Variants in DEPTOR observed in about 807,000 individuals in gnomAD.
DEPTOR encodes the protein DEP domain containing MTOR interacting protein, also known as DEP domain-containing mTOR-interacting protein.
A neutral mutation model predicts 41.6 loss-of-function variants in DEPTOR; 41 were observed. That is an observed-to-expected ratio of 0.98 (90% CI 0.77 to 1.28). The LOEUF (loss-of-function observed/expected upper bound fraction) is 1.28. DEPTOR is among the 50% of genes most tolerant of loss of function. The pLI is 0.00. For synonymous variants in DEPTOR, 195 were observed against 192.3 expected, an observed-to-expected ratio of 1.01 and a Z score of -0.12; for missense variants, 514 against 527.9, an observed-to-expected ratio of 0.97 and a Z score of 0.26.
chr8:119,892,122 C>T (rs578245165), intron 1 of DEPTOR, among the ~76,000 whole-genome samples: 1 of 152,286 alleles, frequency 6.6e-6, no homozygotes, highest in Admixed American at 6.5e-5. Flanking sequence ...CTTCAGCCTC[C>T]CGAGTAGCTG....
At chr8:119,942,502 G>A (rs1333904458) in intron 3 of DEPTOR, among the ~76,000 whole-genome samples, 4 of 152,076 alleles carry the variant, frequency 2.6e-5, no homozygotes, top group African/African-American at 4.8e-5. Flanking sequence ...CACCGCGTCC[G>A]GCCGTGACTT....
chr8:119,923,893 C>CTTTT lies in DEPTOR; in HGVS notation c.123-4498_123-4495dup, dbSNP rs769960283. ...TTTTCCTTTCTTTTCTTTTTTCTTT[C>CTTTT]TTTTTTTTTTTTGGTATTATTTTTG... On this transcript the variant is annotated intron_variant, in intron 1 of 8. Coordinates refer to ENST00000286234, the MANE Select transcript of DEPTOR (RefSeq NM_022783.4). Among the ~76,000 whole-genome samples, 208 of 104,986 alleles carry CTTTT rather than the reference C, an allele frequency of 2.0e-3. 3 individuals are homozygous for CTTTT. The highest frequency in any genetic ancestry group is 2.9e-3 in the African/African-American group (96 of 32,874). The allele number at this position is 104,986 out of a possible 152,430, so 68.9% of individuals were successfully genotyped here. A position where few individuals can be genotyped will look rare whatever the true frequency, so the allele number is the denominator to read the frequency against.
chr8:119,943,302 T>C (rs1828227947), intron 3 of DEPTOR, among the ~76,000 whole-genome samples: 1 of 152,206 alleles, frequency 6.6e-6, no homozygotes, highest in Non-Finnish European at 1.5e-5. Flanking sequence ...GGGTAATTTA[T>C]AAAGAAAAGA....
At chr8:119,889,667 A>AGGATGGGGAGGGGG (rs1308530207) in intron 1 of DEPTOR, among the ~76,000 whole-genome samples, 2 of 13,498 alleles carry the variant, frequency 1.5e-4, no homozygotes, top group Non-Finnish European at 2.9e-4. Context: ...AGGGGAGGGG[A>AGGATGGGGAGGGGG]GGGGAGAGGA....
intron 4 of DEPTOR, among the ~76,000 whole-genome samples, chr8:119,989,894 G>A (rs183293814): frequency 8.5e-4 from 130 of 152,134 alleles, no homozygotes; most frequent in Non-Finnish European, 1.2e-3. Context: ...TACTTTGATC[G>A]GGCCTTTGGG....
At chr8:120,031,799 C>T (rs141157863) in intron 8 of DEPTOR, among the ~76,000 whole-genome samples, 78 of 152,302 alleles carry the variant, frequency 5.1e-4, no homozygotes, top group African/African-American at 1.8e-3. Flanking sequence ...CCTCAGCCTC[C>T]CTGCTCAAAC....
intron 3 of DEPTOR, among the ~76,000 whole-genome samples, chr8:119,963,133 T>C (rs1473858947): frequency 6.6e-6 from 1 of 152,010 alleles, no homozygotes; most frequent in Non-Finnish European, 1.5e-5. Context: ...AGACAGGAAA[T>C]GGAGGAGCTC....
At chr8:119,892,146 G>A (rs1204481483) in intron 1 of DEPTOR, among the ~76,000 whole-genome samples, 2 of 152,184 alleles carry the variant, frequency 1.3e-5, no homozygotes, top group East Asian at 1.9e-4. Flanking sequence ...CTACAGGCAC[G>A]TGCCACCACG....
chr8:119,936,001 T>G (rs1437998290), intron 3 of DEPTOR, among the ~76,000 whole-genome samples: 4 of 62,120 alleles, frequency 6.4e-5, no homozygotes, highest in African/African-American at 1.4e-4. Flanking sequence ...GTCTAGTTGT[T>G]TTTTTTTTTT....
chr8:119,940,356 G>A (rs929403025), intron 3 of DEPTOR, among the ~76,000 whole-genome samples: 3 of 152,106 alleles, frequency 2.0e-5, no homozygotes, highest in African/African-American at 7.2e-5. Flanking sequence ...GCATTATACA[G>A]AATAGCCAAA....
chr8:119,939,606 G>A (rs937759994), intron 3 of DEPTOR, among the ~76,000 whole-genome samples: 5 of 152,080 alleles, frequency 3.3e-5, no homozygotes, highest in African/African-American at 9.7e-5. Flanking sequence ...TCTTGCCTCA[G>A]CCTCCCGAAT....
intron 4 of DEPTOR, among the ~76,000 whole-genome samples, chr8:119,989,125 C>A (rs1346053754): frequency 6.6e-6 from 1 of 151,478 alleles, no homozygotes; most frequent in Non-Finnish European, 1.5e-5. Context: ...GTAAGCAATT[C>A]CAAAGTAATT....
intron 1 of DEPTOR, among the ~76,000 whole-genome samples, chr8:119,907,804 A>G (rs995921140): frequency 2.0e-5 from 3 of 152,120 alleles, no homozygotes; most frequent in Non-Finnish European, 4.4e-5. Flanking sequence ...AGGGAAGAAA[A>G]TAAGAATCCA....
At chr8:119,923,957 T>C (rs865844386) in intron 1 of DEPTOR, among the ~76,000 whole-genome samples, 19 of 149,988 alleles carry the variant, frequency 1.3e-4, no homozygotes, top group Middle Eastern at 3.4e-3. Flanking sequence ...TTCCCCATGA[T>C]GTTTATGCTT....
chr8:120,042,564 G>C (rs1813093098), intron 8 of DEPTOR, among the ~76,000 whole-genome samples: 1 of 152,066 alleles, frequency 6.6e-6, no homozygotes. Context: ...TGTTGCCCAG[G>C]CTGTAGTGCA....
At chr8:119,946,833 TAA>T (rs1322806863) in intron 3 of DEPTOR, among the ~76,000 whole-genome samples, 2 of 152,220 alleles carry the variant, frequency 1.3e-5, no homozygotes, top group Non-Finnish European at 2.9e-5. Context: ...TTCTAGAATA[TAA>T]AACATTCTTT....
chr8:119,943,579 C>G (rs915345220), intron 3 of DEPTOR, among the ~76,000 whole-genome samples: 1 of 152,056 alleles, frequency 6.6e-6, no homozygotes, highest in Non-Finnish European at 1.5e-5. Flanking sequence ...GATTACAATT[C>G]GAGGTGAGTT....
At chr8:119,942,718 T>C (rs1044104871) in intron 3 of DEPTOR, among the ~76,000 whole-genome samples, 2 of 152,202 alleles carry the variant, frequency 1.3e-5, no homozygotes, top group African/African-American at 4.8e-5. Flanking sequence ...TTAAGTTTTC[T>C]GGAGTTGAAG....
rs147235105 is a variant in DEPTOR, at chr8:119,873,860, G to A, written c.14G>A (p.Gly5Asp). 6.5e-4 allele frequency: 1,047 copies of A among 1,613,156 alleles called. 8 individuals are homozygous for A. Among genetic ancestry groups the A allele is most frequent in the Admixed American group, 4.3e-3 (258 of 59,970 alleles). The change falls in exon 1 of 9, where the codon GGC becomes GAC. Residue 5 changes from glycine (G) to aspartate (D), a missense_variant. Physicochemically the swap from Gly to Asp is moderately conservative, Grantham distance 94 (BLOSUM62 -1). Coordinates refer to ENST00000286234, the MANE Select transcript of DEPTOR (RefSeq NM_022783.4). ...GGCCCTAAAACCATGGAGGAGGGCGGCAGCACTGGCAGTGCTGGCAGTGAC... is the reference window on the plus strand; with the variant it reads ...GGCCCTAAAACCATGGAGGAGGGCGACAGCACTGGCAGTGCTGGCAGTGAC... MEEGGSTGSAGSDSS... is the reference protein window; with the variant it reads MEEGDSTGSAGSDSS...
Sources: gnomAD v4.1 joint callset for allele counts (sites outside exome capture counted in the v4.1 genomes callset) on GRCh38, gnomAD v4.1.1 for gene constraint, MANE v1.5 for transcripts, NCBI Gene and HGNC (gene_info 2026-07-23, HGNC 2026-07-21) for gene names.